SLC16A3: variants seen among roughly 807,000 people sequenced by gnomAD.
SLC16A3 encodes the protein monocarboxylate transporter 4.
In SLC16A3, 22 loss-of-function variants were observed where a neutral mutation model predicts 25.0. That is an observed-to-expected ratio of 0.88 (90% CI 0.63 to 1.26). SLC16A3 has a LOEUF of 1.26. Ranked by LOEUF, SLC16A3 falls within the 50% of genes most tolerant of loss-of-function variation. The pLI is 0.00. For synonymous variants in SLC16A3, 390 were observed against 309.2 expected, an observed-to-expected ratio of 1.26 and a Z score of -2.74; for missense variants, 731 against 666.6, an observed-to-expected ratio of 1.10 and a Z score of -1.06.
chr17:82,223,606 G>C (rs1399808644), upstream of SLC16A3, among the ~76,000 whole-genome samples: 3 of 152,262 alleles, frequency 2.0e-5, no homozygotes, highest in African/African-American at 7.2e-5. Flanking sequence ...CTGGGTTCAA[G>C]TGATTCTCCT....
At chr17:82,235,713 G>A (rs572295423) in intron 1 of SLC16A3, 19 of 506,714 alleles carry the variant, frequency 3.7e-5, no homozygotes, top group African/African-American at 3.6e-4. Flanking sequence ...GGTAATCTGA[G>A]TCCTGGCCGA....
chr17:82,222,181 C>A (rs889410954), intron 1 of SLC16A3, among the ~76,000 whole-genome samples: 18 of 112,622 alleles, frequency 1.6e-4, no homozygotes, highest in African/African-American at 7.2e-4. Flanking sequence ...GGACCCCCAA[C>A]TCCGCTCCCA....
intron 1 of SLC16A3, among the ~76,000 whole-genome samples, chr17:82,223,371 T>C (rs951397505): frequency 2.0e-5 from 3 of 152,108 alleles, no homozygotes; most frequent in African/African-American, 7.2e-5. Context: ...TTGGTAGAGA[T>C]TGGCCAGGCT....
At chr17:82,227,569 TGGGAGCACCACCTGCCCTGGGC>T (rs71354833), upstream of SLC16A3, among the ~76,000 whole-genome samples, 1,640 of 121,828 alleles carry the variant, frequency 0.013, 23 homozygotes, top group Non-Finnish European at 0.017. Context: ...TGCAGGAAGA[TGGGAGCACCACCTGCCCTGGGC>T]GGGAGCACCA....
intron 1 of SLC16A3, among the ~76,000 whole-genome samples, chr17:82,218,778 C>T (rs774279814): frequency 1.3e-5 from 2 of 152,228 alleles, no homozygotes; most frequent in East Asian, 3.9e-4. Context: ...GCAGCAGGGA[C>T]GAGGGCCTGG....
In SLC16A3 at chr17:82,239,879, A is replaced by T; in HGVS notation, c.*903A>T. 1.5e-6 allele frequency: 1 copy of T among 679,052 alleles called. No individual in the cohort carries two copies. The highest frequency in any genetic ancestry group is 2.1e-6 in the Non-Finnish European group (1 of 482,902). The allele number at this position is 679,052 out of a possible 1,614,324, so 42.1% of individuals were successfully genotyped here. A position where few individuals can be genotyped will look rare whatever the true frequency, so the allele number is the denominator to read the frequency against. On this transcript the variant is annotated 3_prime_UTR_variant, in exon 5 of 5. Coordinates refer to ENST00000582743, the MANE Select transcript of SLC16A3 (RefSeq NM_004207.4). ...CCCTGTCCTCCATCCAGCCCGGCCC[A>T]GCGCTTGGGCTTGTCCTGGACACCT...
At position 82,240,053 on chromosome 17, in the gene SLC16A3, C is replaced by G; in HGVS notation, c.*1077C>G. The G allele has an allele frequency of 8.1e-7, 1 of 1,233,844 alleles. No individual in the cohort carries two copies. 76.4% of individuals were successfully genotyped at this position (1,233,844 alleles called of 1,614,324 possible). Reference sequence around the variant, plus strand: ...GCGTGCAGCCGGAGAGATGCCATGTCCCTGCTCCTCTGCAATGAAAAGCAA... The same window carrying G: ...GCGTGCAGCCGGAGAGATGCCATGTGCCTGCTCCTCTGCAATGAAAAGCAA... On this transcript the variant is annotated 3_prime_UTR_variant, in exon 5 of 5. Transcript: ENST00000582743.
upstream of SLC16A3, among the ~76,000 whole-genome samples, chr17:82,228,087 G>A (rs1161825406): frequency 2.0e-5 from 3 of 152,220 alleles, no homozygotes; most frequent in African/African-American, 7.2e-5. Flanking sequence ...GGGTCCGGGA[G>A]GGGCCAGTTA....
rs953898308 is a variant in SLC16A3, at chr17:82,220,427, A to G, written c.-27+2243A>G. 2.0e-5 allele frequency among the ~76,000 whole-genome samples: 3 copies of G among 152,220 alleles called. No individual in the cohort carries two copies. In the East Asian group the frequency reaches 5.8e-4, roughly 29 times the overall value. On this transcript the variant is annotated intron_variant, in intron 1 of 4. Coordinates refer to the SLC16A3 transcript ENST00000580098. ...AGCCCCTGCCTGGCACACCCACTCC[A>G]GCTTAAACATGGAAGCAGGCTGATC... is the stretch of plus-strand genomic sequence containing the variant.
rs770613442 is a variant in SLC16A3 at position 82,237,434 on chromosome 17, G to A, written c.664G>A (p.Val222Ile). 7 of 1,588,916 alleles carry A rather than the reference G, an allele frequency of 4.4e-6. No individual in the cohort carries two copies. The highest frequency in any genetic ancestry group is 4.6e-5 in the East Asian group (2 of 43,850). The change falls in exon 4 of 5, where the codon GTC (valine) becomes ATC (isoleucine). Residue 222 changes from valine (V) to isoleucine (I), a missense_variant. Val to Ile is a conservative substitution (Grantham distance 29, BLOSUM62 3). Transcript: ENST00000582743. The part of the protein sequence containing the change: ...RPSRRLLDLS[V>I]FRDRGFVLYA... ...CTCCCGGCGCCTGCTAGACCTGAGC[G>A]TCTTCCGGGACCGCGGCTTTGTGCT... is the stretch of plus-strand genomic sequence containing the variant.
chr17:82,231,672 C>T (rs1247666939), intron 1 of SLC16A3: 1 of 152,316 alleles, frequency 6.6e-6, no homozygotes, highest in Non-Finnish European at 1.5e-5. Flanking sequence ...TGCGGCGGCA[C>T]ATGCAGCCTT....
At chr17:82,238,027 C>A in intron 4 of SLC16A3, 134 bp downstream of exon 4, 1 of 1,039,214 alleles carries the variant, frequency 9.6e-7, no homozygotes, top group Non-Finnish European at 1.4e-6. Context: ...GTGCACTGTG[C>A]TGGACCAACC....
intron 1 of SLC16A3, chr17:82,230,667 C>T (rs2050479179): frequency 6.6e-6 from 1 of 152,666 alleles, no homozygotes; most frequent in South Asian, 2.1e-4. Flanking sequence ...CTGTGCCGCT[C>T]CCTCCAGTGA....
rs924847524 is a variant in SLC16A3, at chr17:82,239,228, C to T, written c.*252C>T. The T allele has an allele frequency of 9.6e-6, 3 of 311,070 alleles. No homozygotes were observed. The highest frequency in any genetic ancestry group is 1.8e-5 in the Non-Finnish European group (3 of 169,286). 19.3% of individuals were successfully genotyped at this position (311,070 alleles called of 1,614,324 possible). ...TCCTCACCAGGGGCCCCGCCTGCTG[C>T]TCCCAGGTGGCCTGCGGCCACTGCT... On this transcript the variant is annotated 3_prime_UTR_variant, in exon 5 of 5. Coordinates refer to ENST00000582743, the MANE Select transcript of SLC16A3 (RefSeq NM_004207.4).
chr17:82,227,569 T>TGGGAGCACCACCTGCCCTGGGC (rs71354833), upstream of SLC16A3, among the ~76,000 whole-genome samples: 71 of 122,094 alleles, frequency 5.8e-4, 1 homozygote, highest in Middle Eastern at 3.7e-3. Flanking sequence ...TGCAGGAAGA[T>TGGGAGCACCACCTGCCCTGGGC]GGGAGCACCA....
At chr17:82,221,563 T>C (rs2050389058) in intron 1 of SLC16A3, among the ~76,000 whole-genome samples, 2 of 149,426 alleles carry the variant, frequency 1.3e-5, no homozygotes, top group South Asian at 4.3e-4. Context: ...AGTAAGACCC[T>C]GTTCCAAACA....
chr17:82,238,608 G>C, intron 4 of SLC16A3, 94 bp from the exon 5 acceptor site: 1 of 1,306,372 alleles, frequency 7.7e-7, no homozygotes, highest in South Asian at 1.5e-5. Flanking sequence ...GGTGACCCTT[G>C]CGTGCTGAGA....
intron 1 of SLC16A3, among the ~76,000 whole-genome samples, chr17:82,222,746 T>C (rs928142364): frequency 1.4e-5 from 2 of 141,012 alleles, no homozygotes; most frequent in Non-Finnish European, 3.0e-5. Flanking sequence ...GAGGTTGCAA[T>C]GAGCCGAGAT....
intron 1 of SLC16A3, chr17:82,232,254 G>A (rs1184867347): frequency 6.6e-6 from 1 of 152,310 alleles, no homozygotes; most frequent in African/African-American, 2.4e-5. Context: ...AACAGGCCAC[G>A]GGCCCCGGGC....
Sources: allele counts gnomAD v4.1 joint callset (sites outside exome capture counted in the v4.1 genomes callset), GRCh38; gene constraint gnomAD v4.1.1; transcripts MANE v1.5; gene names NCBI Gene and HGNC (gene_info 2026-07-23, HGNC 2026-07-21).